KLHL30: variants seen among roughly 807,000 people sequenced by gnomAD.
KLHL30 encodes the protein kelch like family member 30.
Under a neutral mutation model 55.0 loss-of-function variants are expected in KLHL30, and 55 were observed. The observed-to-expected ratio is 1.00, with a 90% CI of 0.80 to 1.25. The LOEUF (loss-of-function observed/expected upper bound fraction) is 1.25, where lower values mean the gene tolerates loss of function less well. Among genes scored for constraint, KLHL30 ranks in the 50% most tolerant of loss-of-function variants. The probability of loss-of-function intolerance (pLI) is 0.00; values close to 1 mark genes in which losing one functional copy is unlikely to be tolerated. For missense variants in KLHL30, 786 were observed against 811.6 expected (o/e 0.97, Z 0.38); for synonymous variants, 356 against 372.6 (o/e 0.96, Z 0.51).
At position 238,145,819 on chromosome 2, in the gene KLHL30, C is replaced by G. The variant is rs776149675; in HGVS notation, c.1137C>G (p.Ile379Met). ...CCAGCGCGGCCCTCAATGGGGAGAT[C>G]TACGTTATCGGCGGTGAGGCCTTCC... ...NHASAALNGE[I>M]YVIGGTTLDV... Residue 379 changes from isoleucine (I) to methionine (M), a missense_variant, in exon 5 of 8, where the codon ATC becomes ATG. By Grantham distance (10) the Ile-to-Met change is conservative. Coordinates refer to ENST00000409223, the MANE Select transcript of KLHL30 (RefSeq NM_198582.4). 23 of 1,603,538 alleles carry G rather than the reference C, an allele frequency of 1.4e-5. No individual in the cohort carries two copies. The highest frequency in any genetic ancestry group is 1.9e-5 in the Non-Finnish European group (22 of 1,174,988).
At chr2:238,148,148 G>A in intron 6 of KLHL30, 126 bp downstream of exon 6, 1 of 923,724 alleles carries the variant, frequency 1.1e-6, no homozygotes. Context: ...GAGAGAGCCG[G>A]CGGCCGCAGG....
intron 1 of KLHL30, among the ~76,000 whole-genome samples, chr2:238,139,237 T>C (rs1209202107): frequency 1.3e-5 from 2 of 152,156 alleles, no homozygotes; most frequent in Non-Finnish European, 2.9e-5. Flanking sequence ...CGGCAGCAGC[T>C]GGCCCAAGGG....
Position 238,151,945 on chromosome 2 carries a change from C to G in KLHL30, c.*880C>G. The G allele has an allele frequency of 1.0e-6, 1 of 985,480 alleles. No homozygotes were observed. The highest frequency in any genetic ancestry group is 1.2e-6 in the Non-Finnish European group (1 of 829,950). 61.0% of individuals were successfully genotyped at this position (985,480 alleles called of 1,614,324 possible). A position where few individuals can be genotyped will look rare whatever the true frequency, so the allele number is the denominator to read the frequency against. ...GGTGAGGGGTAGCATCCGATGGGCC[C>G]CTGCCAGCATGCAGCCCGACTCCGG... On this transcript the variant is annotated 3_prime_UTR_variant, in exon 8 of 8. Transcript: ENST00000409223.
rs578029142 is a variant in KLHL30 at position 238,152,843 on chromosome 2, A to C, written c.*1778A>C. 6.6e-6 allele frequency: 1 copy of C among 152,382 alleles called. No homozygotes were observed. Among genetic ancestry groups the C allele is most frequent in the South Asian group, 2.1e-4 (1 of 4,832 alleles). The allele number at this position is 152,382 out of a possible 1,614,324, so 9.4% of individuals were successfully genotyped here. A position where few individuals can be genotyped will look rare whatever the true frequency, so the allele number is the denominator to read the frequency against. ...ATGTTTTCTAGACAGTGATGGAAGGAGGTCAGCCAAAGGGCTGTTTAAAAA... is the reference window on the plus strand; with the variant it reads ...ATGTTTTCTAGACAGTGATGGAAGGCGGTCAGCCAAAGGGCTGTTTAAAAA... On this transcript the variant is annotated 3_prime_UTR_variant, in exon 8 of 8. Coordinates refer to ENST00000409223, the MANE Select transcript of KLHL30 (RefSeq NM_198582.4).
intron 4 of KLHL30, 127 bp from the exon 5 acceptor site, chr2:238,145,550 C>T (rs1046070651): frequency 4.5e-6 from 5 of 1,111,844 alleles, no homozygotes; most frequent in African/African-American, 3.1e-5. Context: ...CCTGGTCCCA[C>T]CTCTGGCTCA....
In KLHL30 at chr2:238,151,348, CAG is replaced by C. The variant is rs779902058; in HGVS notation, c.*288_*289del. 17 of 512,844 alleles carry C rather than the reference CAG, an allele frequency of 3.3e-5. No homozygotes were observed. Among genetic ancestry groups the C allele is most frequent in the Non-Finnish European group, 5.5e-5 (16 of 288,878 alleles). The allele number at this position is 512,844 out of a possible 1,614,324, so 31.8% of individuals were successfully genotyped here. A position where few individuals can be genotyped will look rare whatever the true frequency, so the allele number is the denominator to read the frequency against. On this transcript the variant is annotated 3_prime_UTR_variant, in exon 8 of 8. Coordinates refer to ENST00000409223, the MANE Select transcript of KLHL30 (RefSeq NM_198582.4). The stretch of plus-strand genomic sequence containing the variant: ...GCTGCCCCTGGGGTTCCCGAGACCT[CAG>C]AGAGGGGAGCCGGGGGCCGGGCCAG...
At chr2:238,146,344 GCCTGGGCAACATAGAGAGAC>G (rs1181517166) in intron 5 of KLHL30, among the ~76,000 whole-genome samples, 1 of 150,816 alleles carries the variant, frequency 6.6e-6, no homozygotes, top group African/African-American at 2.4e-5. Context: ...TTTGAGACTA[GCCTGGGCAACATAGAGAGAC>G]CCTGTCTCCC....
In KLHL30 at chr2:238,150,881, C is replaced by T. The variant is rs767478070; in HGVS notation, c.1553C>T (p.Thr518Met). Residue 518 changes from threonine (T) to methionine (M), a missense_variant, in exon 8 of 8, where the codon ACG (threonine) becomes ATG (methionine). Transcript: ENST00000409223. ...CCACTGGGTGATGCGCTGTACGTGA[C>T]GGGCGGCCGCTGGCAGGGCATGGAA... ...LVPLGDALYV[T>M]GGRWQGMEGD... 39 of 1,597,244 alleles carry T rather than the reference C, an allele frequency of 2.4e-5. No individual in the cohort carries two copies. Among genetic ancestry groups the T allele is most frequent in the South Asian group, 1.1e-4 (10 of 88,012 alleles).
rs1692706441 is a variant in KLHL30 at position 238,149,232 on chromosome 2, G to A, written c.1485+80G>A. On this transcript the variant is annotated intron_variant, in intron 7 of 7. Coordinates refer to ENST00000409223, the MANE Select transcript of KLHL30 (RefSeq NM_198582.4). ...CAGAGAGCCAGCCTGGGAAGTGAGG[G>A]ATGGGGTGCCACAGAGGGCCCACTG... is the stretch of plus-strand genomic sequence containing the variant. The A allele has an allele frequency of 2.6e-6, 4 of 1,566,828 alleles. No individual in the cohort carries two copies. The South Asian group carries it at 3.5e-5, about 14-fold the overall frequency.
intron 2 of KLHL30, 46 bp from the exon 3 acceptor site, chr2:238,142,753 T>C (rs1692564826): frequency 7.4e-7 from 1 of 1,355,054 alleles, no homozygotes. Context: ...GCTCAGGGCA[T>C]GGGGACACAT....
In KLHL30 at chr2:238,141,531, G is replaced by A. The variant is rs1443404140; in HGVS notation, c.774+3G>A. On this transcript the variant is annotated splice_donor_region_variant and intron_variant, in intron 2 of 7. Coordinates refer to ENST00000409223, the MANE Select transcript of KLHL30 (RefSeq NM_198582.4). ...CCCTGTCCCAGGGCCATGATGGGGTGAGTGAGCGGCTGGGAGGCCCCATCC... is the reference window on the plus strand; with the variant it reads ...CCCTGTCCCAGGGCCATGATGGGGTAAGTGAGCGGCTGGGAGGCCCCATCC... 4.9e-6 allele frequency: 7 copies of A among 1,438,668 alleles called. No individual in the cohort carries two copies. The African/African-American group carries it at 8.6e-5, about 18-fold the overall frequency. The allele number at this position is 1,438,668 out of a possible 1,614,324, so 89.1% of individuals were successfully genotyped here. A position where few individuals can be genotyped will look rare whatever the true frequency, so the allele number is the denominator to read the frequency against.
Position 238,151,963 on chromosome 2 carries a change from G to A in KLHL30, c.*898G>A, listed in dbSNP as rs1052592922. On this transcript the variant is annotated 3_prime_UTR_variant, in exon 8 of 8. Transcript: ENST00000409223. ...ATGGGCCCCTGCCAGCATGCAGCCCGACTCCGGCTGGCTCAGGCTCCGAGT... is the reference window on the plus strand; with the variant it reads ...ATGGGCCCCTGCCAGCATGCAGCCCAACTCCGGCTGGCTCAGGCTCCGAGT... The A allele has an allele frequency of 1.1e-5, 11 of 985,390 alleles. No individual in the cohort carries two copies. Among genetic ancestry groups the A allele is most frequent in the African/African-American group, 1.7e-5 (1 of 57,232 alleles). The allele number at this position is 985,390 out of a possible 1,614,324, so 61.0% of individuals were successfully genotyped here.
chr2:238,146,670 G>A (rs1692653540), intron 5 of KLHL30, among the ~76,000 whole-genome samples: 1 of 150,400 alleles, frequency 6.6e-6, no homozygotes, highest in South Asian at 2.1e-4. Context: ...GCCTCCCAAA[G>A]TGCTGGGATT....
At position 238,147,751 on chromosome 2, in the gene KLHL30, T is replaced by C. The variant is rs1035896644; in HGVS notation, c.1151-83T>C. ...CCCACCCCACCTCCCACCACTTTGC[T>C]GCCTTACAAAGCCCCAGCCCCTGAG... On this transcript the variant is annotated intron_variant, in intron 5 of 7. Transcript: ENST00000409223. This position sits in a 1 kb window ranked among gnomAD's most constrained non-coding sequence, Gnocchi z 5.8. 9 of 876,698 alleles carry C rather than the reference T, an allele frequency of 1.0e-5. No homozygotes were observed. In the African/African-American group the frequency reaches 1.6e-4, roughly 15 times the overall value. The allele number at this position is 876,698 out of a possible 1,614,324, so 54.3% of individuals were successfully genotyped here. A position where few individuals can be genotyped will look rare whatever the true frequency, so the allele number is the denominator to read the frequency against.
Position 238,140,826 on chromosome 2 carries a change from G to A in KLHL30, c.72G>A (p.Gln24=), listed in dbSNP as rs776832176. Residue 24 remains glutamine (Q), a synonymous_variant, in exon 2 of 8, where the codon CAG becomes CAA. Coordinates refer to ENST00000409223, the MANE Select transcript of KLHL30 (RefSeq NM_198582.4). ...SHAQDMLDGL[Q]RLRSQPKLAD... The stretch of plus-strand genomic sequence containing the variant: ...CCCAGGACATGCTGGATGGCCTGCA[G>A]CGCCTGCGCTCTCAGCCCAAGCTGG... 4 of 1,606,430 alleles carry A rather than the reference G, an allele frequency of 2.5e-6. No homozygotes were observed. Among genetic ancestry groups the A allele is most frequent in the Non-Finnish European group, 3.4e-6 (4 of 1,175,232 alleles).
At position 238,152,124 on chromosome 2, in the gene KLHL30, C is replaced by T; in HGVS notation, c.*1059C>T. 3 of 985,490 alleles carry T rather than the reference C, an allele frequency of 3.0e-6. No individual in the cohort carries two copies. Among genetic ancestry groups the T allele is most frequent in the South Asian group, 4.7e-5 (1 of 21,290 alleles). 61.0% of individuals were successfully genotyped at this position (985,490 alleles called of 1,614,324 possible). On this transcript the variant is annotated 3_prime_UTR_variant, in exon 8 of 8. Transcript: ENST00000409223. ...GGACATGGGGCTAGAAGTCAGGAGT[C>T]GGGCCCGGCCAGGCACAGGCCCTGG...
Position 238,139,283 on chromosome 2 carries a change from G to A in KLHL30, c.-71+525G>A, listed in dbSNP as rs188841888. ...TGACGGGAATGTGAGGCCTGCAGGC[G>A]GTGGCCCAGGGACAGCCCTGTCACC... On this transcript the variant is annotated intron_variant, in intron 1 of 7. Coordinates refer to ENST00000409223, the MANE Select transcript of KLHL30 (RefSeq NM_198582.4). Among the ~76,000 whole-genome samples the A allele has an allele frequency of 4.4e-3, 671 of 152,314 alleles. 2 individuals are homozygous for A. Among genetic ancestry groups the A allele is most frequent in the Middle Eastern group, 0.014 (4 of 294 alleles).
At chr2:238,141,667 T>G in intron 2 of KLHL30, 139 bp downstream of exon 2, 1 of 928,996 alleles carries the variant, frequency 1.1e-6, no homozygotes, top group Non-Finnish European at 1.5e-6. Context: ...TTTGGGCCAG[T>G]TCCCCATGAG....
In KLHL30 at chr2:238,147,405, AC is replaced by A. The variant is rs1692666326; in HGVS notation, c.1151-426del. On this transcript the variant is annotated intron_variant, in intron 5 of 7. Coordinates refer to ENST00000409223, the MANE Select transcript of KLHL30 (RefSeq NM_198582.4). The surrounding 1 kb of genome is among the most constrained non-coding windows in gnomAD (Gnocchi z 5.8). Reference sequence around the variant, plus strand: ...CAGGAGGCGTCCCCATCACTGCCACACCCAGATTGTATCTGGGACTGGGAGG... The same window carrying A: ...CAGGAGGCGTCCCCATCACTGCCACACCAGATTGTATCTGGGACTGGGAGG... Among the ~76,000 whole-genome samples, 1 of 151,996 alleles carries A rather than the reference AC, an allele frequency of 6.6e-6. No individual in the cohort carries two copies. The highest frequency in any genetic ancestry group is 2.4e-5 in the African/African-American group (1 of 41,390).
Sources: gnomAD v4.1 joint callset for allele counts (sites outside exome capture counted in the v4.1 genomes callset) on GRCh38, gnomAD v4.1.1 for gene constraint, Gnocchi (gnomAD v3.1) non-coding constraint, MANE v1.5 for transcripts, NCBI Gene and HGNC (gene_info 2026-07-23, HGNC 2026-07-21) for gene names.